Variants in GRB10 observed in about 807,000 individuals in gnomAD.
GRB10 encodes the protein growth factor receptor bound protein 10.
A neutral mutation model predicts 80.9 loss-of-function variants in GRB10; 20 were observed. That is an observed-to-expected ratio of 0.25 (90% CI 0.17 to 0.36). The LOEUF (loss-of-function observed/expected upper bound fraction) is 0.36. Among genes scored for constraint, GRB10 ranks in the 10% least tolerant of loss-of-function variants. The pLI is 1.00. For missense variants in GRB10, 548 were observed against 747.7 expected (o/e 0.73, Z 3.12); for synonymous variants, 291 against 291.5 (o/e 1.00, Z 0.02).
chr7:50,656,738 A>T (rs73114878), intron 7 of GRB10, among the ~76,000 whole-genome samples: 13,268 of 152,168 alleles, frequency 0.087, 872 homozygotes, highest in Non-Finnish European at 0.11. Flanking sequence ...CATTAGGGAG[A>T]ATGCAGAGGT....
rs1276733371 is a variant in GRB10 at position 50,590,943 on chromosome 7, TGAGA to T, written c.*2005_*2008del. On this transcript the variant is annotated 3_prime_UTR_variant, in exon 19 of 19. Coordinates refer to ENST00000401949, the MANE Select transcript of GRB10 (RefSeq NM_001350814.2). ...AAGCTGTCTATTGGAGAGAGGCGTG[TGAGA>T]GAGAGATTATACACTGATGGGACTG... 5 of 152,082 alleles carry T rather than the reference TGAGA, an allele frequency of 3.3e-5. No homozygotes were observed. The highest frequency in any genetic ancestry group is 6.5e-5 in the Admixed American group (1 of 15,270). The allele number at this position is 152,082 out of a possible 1,614,324, so 9.4% of individuals were successfully genotyped here.
chr7:50,691,429 A>C (rs1412467068), intron 5 of GRB10, among the ~76,000 whole-genome samples: 1 of 152,166 alleles, frequency 6.6e-6, no homozygotes, highest in Non-Finnish European at 1.5e-5. Flanking sequence ...TTTCCCTATA[A>C]ATATGGAGAT....
chr7:50,789,449 G>T (rs148654161), intron 1 of GRB10, among the ~76,000 whole-genome samples: 1 of 152,136 alleles, frequency 6.6e-6, no homozygotes, highest in African/African-American at 2.4e-5. Flanking sequence ...CCATTTTAAC[G>T]GATCAAGTTG....
intron 7 of GRB10, 83 bp downstream of exon 7, chr7:50,669,639 A>AAAGTAATAATCTGGCAC: frequency 2.2e-6 from 3 of 1,370,678 alleles, no homozygotes; most frequent in Non-Finnish European, 3.1e-6. Context: ...CCTTCTTCCC[A>AAAGTAATAATCTGGCAC]AAGTAATAAT....
intron 1 of GRB10, among the ~76,000 whole-genome samples, chr7:50,792,231 C>A (rs1429497620): frequency 2.6e-5 from 4 of 152,078 alleles, no homozygotes; most frequent in Non-Finnish European, 5.9e-5. Flanking sequence ...TTGTTTTGGT[C>A]TTTCCCCCCT....
At chr7:50,773,642 T>G (rs1399983713) in intron 2 of GRB10, among the ~76,000 whole-genome samples, 1 of 152,132 alleles carries the variant, frequency 6.6e-6, no homozygotes, top group African/African-American at 2.4e-5. Flanking sequence ...GTTTGGCAGT[T>G]CCTCAAAAAG....
At chr7:50,593,875 C>T (rs2046179965) in intron 18 of GRB10, among the ~76,000 whole-genome samples, 1 of 152,204 alleles carries the variant, frequency 6.6e-6, no homozygotes, top group Non-Finnish European at 1.5e-5. Flanking sequence ...AGTTTTCACA[C>T]ACAGAGGCTG....
At chr7:50,629,781 C>CTTTAGTAACCACCTGTACAG (rs1284050199) in intron 7 of GRB10, among the ~76,000 whole-genome samples, 1 of 152,228 alleles carries the variant, frequency 6.6e-6, no homozygotes, top group Non-Finnish European at 1.5e-5. Context: ...ACAGCACCAA[C>CTTTAGTAACCACCTGTACAG]TGCCCCTTTA....
At chr7:50,709,202 G>A (rs1045101974) in intron 4 of GRB10, among the ~76,000 whole-genome samples, 1 of 152,220 alleles carries the variant, frequency 6.6e-6, no homozygotes, top group Non-Finnish European at 1.5e-5. Context: ...ATGAACACGA[G>A]AAGCCCTCCC....
intron 3 of GRB10, among the ~76,000 whole-genome samples, chr7:50,737,185 T>C (rs1563657932): frequency 6.6e-6 from 1 of 152,250 alleles, no homozygotes; most frequent in East Asian, 1.9e-4. Flanking sequence ...TTTGGCTCTG[T>C]GTCCCCACCC....
intron 2 of GRB10, among the ~76,000 whole-genome samples, chr7:50,759,141 T>C (rs10272063): frequency 0.82 from 121,800 of 149,294 alleles, 49,719 homozygotes; most frequent in Middle Eastern, 0.91. Flanking sequence ...TGCAGTGAGC[T>C]GAGATCACAC....
At chr7:50,639,733 G>A (rs1318358236) in intron 7 of GRB10, among the ~76,000 whole-genome samples, 1 of 151,720 alleles carries the variant, frequency 6.6e-6, no homozygotes, top group East Asian at 1.9e-4. Context: ...TTTCCACAGT[G>A]AACAAGTCTC....
intron 7 of GRB10, among the ~76,000 whole-genome samples, chr7:50,665,755 T>C (rs1284000491): frequency 1.3e-5 from 2 of 152,132 alleles, no homozygotes; most frequent in Admixed American, 6.5e-5. Context: ...GGTGAGGAAG[T>C]TGAATCCAGG....
chr7:50,743,803 T>A (rs2072336744), intron 3 of GRB10, among the ~76,000 whole-genome samples: 1 of 152,182 alleles, frequency 6.6e-6, no homozygotes, highest in Non-Finnish European at 1.5e-5. Flanking sequence ...TTTGCCGTGC[T>A]GTGGTCCACA....
At chr7:50,596,657 T>C (rs1199563000) in intron 17 of GRB10, among the ~76,000 whole-genome samples, 1 of 152,238 alleles carries the variant, frequency 6.6e-6, no homozygotes, top group Non-Finnish European at 1.5e-5. Context: ...TTAGAAATTT[T>C]ACACTGTAAT....
At chr7:50,699,735 C>T (rs535824895) in intron 5 of GRB10, among the ~76,000 whole-genome samples, 6 of 152,264 alleles carry the variant, frequency 3.9e-5, no homozygotes, top group African/African-American at 1.4e-4. Context: ...ATTTCTTGTA[C>T]TGTTTCAAAG....
chr7:50,681,961 C>A (rs1271130790), intron 5 of GRB10, among the ~76,000 whole-genome samples: 1 of 152,132 alleles, frequency 6.6e-6, no homozygotes, highest in Non-Finnish European at 1.5e-5. Flanking sequence ...CTCTGAGCCC[C>A]GGGTTGATGA....
At chr7:50,732,478 C>T (rs2069984379) in intron 3 of GRB10, 110 bp from the exon 4 acceptor site, 1 of 706,010 alleles carries the variant, frequency 1.4e-6, no homozygotes, top group Non-Finnish European at 2.5e-6. Flanking sequence ...TTGGTCTTAG[C>T]TTGTAGGTTC....
chr7:50,605,126 G>A (rs1361921726), intron 15 of GRB10, 164 bp downstream of exon 15: 9 of 646,974 alleles, frequency 1.4e-5, no homozygotes, highest in Middle Eastern at 4.3e-4. Context: ...GAACATGGAA[G>A]GGGCCTAGAA....
Sources: allele counts gnomAD v4.1 joint callset (sites outside exome capture counted in the v4.1 genomes callset), GRCh38; gene constraint gnomAD v4.1.1; transcripts MANE v1.5; gene names NCBI Gene and HGNC (gene_info 2026-07-23, HGNC 2026-07-21).